Variants in PCDHGA11 observed in about 807,000 individuals in gnomAD.
PCDHGA11 encodes the protein protocadherin gamma-A11.
PCDHGA11 carries 39 observed loss-of-function variants against 60.4 expected under a neutral mutation model. The ratio of observed to expected loss-of-function variants is 0.65; its 90% CI spans 0.50 to 0.84. The LOEUF (loss-of-function observed/expected upper bound fraction) is 0.84. Among genes scored for constraint, PCDHGA11 ranks in the 40% least tolerant of loss-of-function variants. The probability of loss-of-function intolerance (pLI) is 0.00; values close to 1 mark genes in which losing one functional copy is unlikely to be tolerated. For synonymous variants in PCDHGA11, 533 were observed against 510.3 expected, an observed-to-expected ratio of 1.04 and a Z score of -0.60; for missense variants, 1,165 against 1,197.7, an observed-to-expected ratio of 0.97 and a Z score of 0.40.
chr5:141,449,471 G>A (rs1261821886), intron 1 of PCDHGA11, among the ~76,000 whole-genome samples: 1 of 151,060 alleles, frequency 6.6e-6, no homozygotes, highest in African/African-American at 2.4e-5. Flanking sequence ...GCCAGGCCTG[G>A]TACCCCATGC....
chr5:141,482,530 C>CA (rs3074545), intron 1 of PCDHGA11, among the ~76,000 whole-genome samples: 3,839 of 76,186 alleles, frequency 0.05, 137 homozygotes, highest in East Asian at 0.1. Context: ...GACAGACATG[C>CA]AAAAAAAAAA....
chr5:141,444,640 G>A (rs192148868), intron 1 of PCDHGA11, among the ~76,000 whole-genome samples: 3 of 152,196 alleles, frequency 2.0e-5, no homozygotes, highest in Non-Finnish European at 2.9e-5. Flanking sequence ...GTTCATTGAG[G>A]TAGGGGTTGA....
intron 1 of PCDHGA11, among the ~76,000 whole-genome samples, chr5:141,447,993 T>A (rs2098557542): frequency 6.6e-6 from 1 of 151,554 alleles, no homozygotes; most frequent in Non-Finnish European, 1.5e-5. Context: ...GGCTGAGGCA[T>A]GAGAATCGCT....
At chr5:141,494,902 C>A (rs2099757367) in intron 2 of PCDHGA11, 37 bp downstream of exon 2, 1 of 1,614,024 alleles carries the variant, frequency 6.2e-7, no homozygotes, top group East Asian at 2.2e-5. Context: ...CTCTTCTCTG[C>A]GGCATTTTCT....
rs747633858 is a variant in PCDHGA11, at chr5:141,491,133, C to T, written c.2434-3674C>T. 6.2e-6 allele frequency: 10 copies of T among 1,614,158 alleles called. No homozygotes were observed. In the South Asian group the frequency reaches 9.9e-5, roughly 16 times the overall value. The stretch of plus-strand genomic sequence containing the variant: ...CACACACTGGTGAGGTGCGCACAGC[C>T]CGGGCCTTACTGGAGGATGACTCTG... On this transcript the variant is annotated intron_variant, in intron 1 of 3. Transcript: ENST00000398587. The surrounding 1 kb of genome is among the most constrained non-coding windows in gnomAD (Gnocchi z 6.9).
In PCDHGA11 at chr5:141,486,748, T is replaced by C; in HGVS notation, c.2434-8059T>C. ...TTCATGCTACTCGATCCTTTGACTA[T>C]GAGCAAACCCAGACACTGCAGTTTG... is the stretch of plus-strand genomic sequence containing the variant. On this transcript the variant is annotated intron_variant, in intron 1 of 3. Coordinates refer to ENST00000398587, the MANE Select transcript of PCDHGA11 (RefSeq NM_018914.3). The surrounding 1 kb of genome is among the most constrained non-coding windows in gnomAD (Gnocchi z 5.0). 6.2e-7 allele frequency: 1 copy of C among 1,614,230 alleles called. No individual in the cohort carries two copies. The highest frequency in any genetic ancestry group is 8.5e-7 in the Non-Finnish European group (1 of 1,180,042).
Position 141,487,059 on chromosome 5 carries a change from G to A in PCDHGA11, c.2434-7748G>A, listed in dbSNP as rs760836605. 1.7e-5 allele frequency: 27 copies of A among 1,613,952 alleles called. No homozygotes were observed. Among genetic ancestry groups the A allele is most frequent in the Non-Finnish European group, 2.0e-5 (24 of 1,179,994 alleles). On this transcript the variant is annotated intron_variant, in intron 1 of 3. Transcript: ENST00000398587. This position sits in a 1 kb window ranked among gnomAD's most constrained non-coding sequence, Gnocchi z 5.0. ...GTCTCTCGATATGCTGGGGAGGTGC[G>A]GACGGCTGTTCCTATCCCAGCTGAC...
chr5:141,427,956 C>T, intron 1 of PCDHGA11: 1 of 1,587,304 alleles, frequency 6.3e-7, no homozygotes, highest in African/African-American at 1.3e-5. Context: ...TGACAATGTG[C>T]CGCGGGTGCT....
At position 141,433,356 on chromosome 5, in the gene PCDHGA11, T is replaced by A. The variant is rs549297958; in HGVS notation, c.2433+9696T>A. On this transcript the variant is annotated intron_variant, in intron 1 of 3. Transcript: ENST00000398587. ...CTACAGGTGCAAGCCACCTACTGTC[T>A]GCCTATCTATCTATCTATCTATCTA... The A allele has an allele frequency of 8.4e-5, 51 of 607,892 alleles. No homozygotes were observed. The African/African-American group carries it at 9.5e-4, about 11-fold the overall frequency. 37.7% of individuals were successfully genotyped at this position (607,892 alleles called of 1,614,324 possible).
intron 1 of PCDHGA11, among the ~76,000 whole-genome samples, chr5:141,462,012 G>A (rs1046109009): frequency 9.9e-5 from 15 of 152,128 alleles, no homozygotes; most frequent in Admixed American, 5.9e-4. Context: ...TAATAGAGAC[G>A]GGGTTTCTTC....
intron 2 of PCDHGA11, among the ~76,000 whole-genome samples, chr5:141,502,705 T>C (rs1475675789): frequency 6.6e-6 from 1 of 152,248 alleles, no homozygotes; most frequent in African/African-American, 2.4e-5. Context: ...TATCTGTTTT[T>C]ACATCAGTGA....
chr5:141,510,209 G>T (rs1294961681), intron 3 of PCDHGA11, among the ~76,000 whole-genome samples: 12 of 151,440 alleles, frequency 7.9e-5, no homozygotes, highest in African/African-American at 2.9e-4. Flanking sequence ...GGAGGCAGAG[G>T]TTGCAGTGAG....
At position 141,484,465 on chromosome 5, in the gene PCDHGA11, A is replaced by G. The variant is rs2099596840; in HGVS notation, c.2434-10342A>G. On this transcript the variant is annotated intron_variant, in intron 1 of 3. Coordinates refer to ENST00000398587, the MANE Select transcript of PCDHGA11 (RefSeq NM_018914.3). ...ATTTAATTGGCTACGTTAATGTGTA[A>G]GCCTTTTCTGCAAAGAGATGGATCC... is the stretch of plus-strand genomic sequence containing the variant. Among the ~76,000 whole-genome samples, 4 of 152,236 alleles carry G rather than the reference A, an allele frequency of 2.6e-5. No individual in the cohort carries two copies. In the South Asian group the frequency reaches 6.2e-4, roughly 24 times the overall value.
intron 1 of PCDHGA11, among the ~76,000 whole-genome samples, chr5:141,465,137 GGGGA>G (rs2099097662): frequency 2.0e-5 from 3 of 151,520 alleles, no homozygotes; most frequent in Non-Finnish European, 4.4e-5. Context: ...AAAAAGTTTA[GGGGA>G]TATATGAAGG....
chr5:141,510,854 T>A, intron 3 of PCDHGA11, 93 bp from the exon 4 acceptor site: 1 of 1,602,320 alleles, frequency 6.2e-7, no homozygotes, highest in East Asian at 2.2e-5. Context: ...CCCAGGGTGC[T>A]GTATAGGCAT....
At chr5:141,456,827 G>A (rs183303757) in intron 1 of PCDHGA11, among the ~76,000 whole-genome samples, 13 of 152,236 alleles carry the variant, frequency 8.5e-5, no homozygotes, top group South Asian at 2.1e-4. Flanking sequence ...AGCCATCGTG[G>A]TAGTGGGCGC....
At chr5:141,481,747 T>A (rs1319673737) in intron 1 of PCDHGA11, among the ~76,000 whole-genome samples, 3 of 151,684 alleles carry the variant, frequency 2.0e-5, no homozygotes, top group African/African-American at 7.3e-5. Flanking sequence ...AGGTCAGGAG[T>A]CCAAGACCAG....
At chr5:141,460,883 C>T (rs371847673) in intron 1 of PCDHGA11, among the ~76,000 whole-genome samples, 2 of 149,996 alleles carry the variant, frequency 1.3e-5, no homozygotes, top group East Asian at 2.0e-4. Context: ...TATTTCATGC[C>T]TTTTCGTGGC....
chr5:141,473,647 C>T (rs2099326149), intron 1 of PCDHGA11, among the ~76,000 whole-genome samples: 1 of 152,172 alleles, frequency 6.6e-6, no homozygotes, highest in Non-Finnish European at 1.5e-5. Flanking sequence ...GGCAAAGGAA[C>T]AATTTGTGTG....
Sources: allele counts gnomAD v4.1 joint callset (sites outside exome capture counted in the v4.1 genomes callset), GRCh38; gene constraint gnomAD v4.1.1; non-coding constraint Gnocchi (gnomAD v3.1); transcripts MANE v1.5; gene names NCBI Gene and HGNC (gene_info 2026-07-23, HGNC 2026-07-21).